The following RUNX1 variants were observed in gnomAD, a reference collection of about 807,000 sequenced individuals.
RUNX1 encodes the protein runt-related transcription factor 1.
A neutral mutation model predicts 42.8 loss-of-function variants in RUNX1; 19 were observed. The observed-to-expected ratio is 0.44, with a 90% CI of 0.31 to 0.65. The LOEUF is 0.65. RUNX1 is among the 30% of genes least tolerant of loss of function. The probability of loss-of-function intolerance (pLI) is 0.07; values close to 1 mark genes in which losing one functional copy is unlikely to be tolerated. For synonymous variants in RUNX1, 271 were observed against 289.4 expected (o/e 0.94, Z 0.64); for missense variants, 528 against 672.0 (o/e 0.79, Z 2.37).
chr21:34,949,351 T>C lies in RUNX1; in HGVS notation c.59-56388A>G, dbSNP rs187181974. On this transcript the variant is annotated intron_variant, in intron 2 of 8. Coordinates refer to ENST00000675419, the MANE Select transcript of RUNX1 (RefSeq NM_001754.5). ...TTCAAAAACAGTAACCTCTGTCTTATTGAATAGACGCTCCCCAGCTGCTGA... is the reference window on the plus strand; with the variant it reads ...TTCAAAAACAGTAACCTCTGTCTTACTGAATAGACGCTCCCCAGCTGCTGA... Among the ~76,000 whole-genome samples the C allele has an allele frequency of 3.2e-4, 49 of 152,360 alleles. 1 individual carries two copies. In the East Asian group the frequency reaches 8.1e-3, roughly 25 times the overall value.
intron 2 of RUNX1, among the ~76,000 whole-genome samples, chr21:34,943,023 G>C (rs1193752891): frequency 6.6e-6 from 1 of 152,184 alleles, no homozygotes; most frequent in African/African-American, 2.4e-5. Flanking sequence ...CTTTTAACCC[G>C]TGTCCCTTCT....
intron 2 of RUNX1, among the ~76,000 whole-genome samples, chr21:35,048,467 G>C (rs2059416609): frequency 6.6e-6 from 1 of 152,154 alleles, no homozygotes; most frequent in African/African-American, 2.4e-5. Context: ...CCGAGTTAAG[G>C]ATAACTCAGA....
chr21:35,030,713 G>C (rs898405416), intron 2 of RUNX1, among the ~76,000 whole-genome samples: 2 of 152,136 alleles, frequency 1.3e-5, no homozygotes, highest in African/African-American at 4.8e-5. Context: ...AAAAGCAACA[G>C]TAGACAACTA....
In RUNX1 at chr21:35,044,190, G is replaced by A. The variant is rs556842590; in HGVS notation, c.58+4652C>T. Among the ~76,000 whole-genome samples, 3 of 152,264 alleles carry A rather than the reference G, an allele frequency of 2.0e-5. No homozygotes were observed. In the East Asian group the frequency reaches 5.8e-4, roughly 29 times the overall value. On this transcript the variant is annotated intron_variant, in intron 2 of 8. Coordinates refer to ENST00000675419, the MANE Select transcript of RUNX1 (RefSeq NM_001754.5). The stretch of plus-strand genomic sequence containing the variant: ...ACCCACTGCTGTCCATGCCCATGTG[G>A]GATCCTGCAGCTCTAACTTTGCCCA...
chr21:34,855,548 T>C (rs778269030), intron 6 of RUNX1, among the ~76,000 whole-genome samples: 4 of 151,992 alleles, frequency 2.6e-5, no homozygotes, highest in Non-Finnish European at 5.9e-5. Context: ...CTACTAAAAA[T>C]ACAAAAATTA....
Position 35,013,675 on chromosome 21 carries a change from C to T in RUNX1, c.58+35167G>A, listed in dbSNP as rs572992629. ...GCCTTTCCAGAAAGGGCAATGTGTC[C>T]GTACCAAAACTCTTAAAAATCCTTG... On this transcript the variant is annotated intron_variant, in intron 2 of 8. Transcript: ENST00000675419. 9.2e-5 allele frequency among the ~76,000 whole-genome samples: 14 copies of T among 152,244 alleles called. No individual in the cohort carries two copies. The South Asian group carries it at 2.1e-3, about 23-fold the overall frequency.
chr21:34,862,753 C>T (rs1455266442), intron 5 of RUNX1, among the ~76,000 whole-genome samples: 1 of 152,148 alleles, frequency 6.6e-6, no homozygotes, highest in East Asian at 1.9e-4. Context: ...CTGTAAAGAC[C>T]TTAAGCCATA....
intron 2 of RUNX1, among the ~76,000 whole-genome samples, chr21:34,941,683 T>G (rs530346087): frequency 9.8e-4 from 149 of 152,350 alleles, no homozygotes; most frequent in Non-Finnish European, 1.6e-3. Flanking sequence ...TTCACCTCCA[T>G]TCTTTTTGAA....
chr21:34,861,829 T>C (rs1045935868), intron 5 of RUNX1, among the ~76,000 whole-genome samples: 2 of 152,150 alleles, frequency 1.3e-5, no homozygotes, highest in African/African-American at 4.8e-5. Context: ...CATTTTGCTT[T>C]ATGGCTGTTT....
chr21:34,860,380 C>T (rs139434521), intron 5 of RUNX1, among the ~76,000 whole-genome samples: 2 of 152,292 alleles, frequency 1.3e-5, no homozygotes, highest in Non-Finnish European at 2.9e-5. Context: ...TCACTAGACA[C>T]CTCTATGTTC....
chr21:35,049,077 G>A, intron 1 of RUNX1, 91 bp downstream of exon 1: 3 of 595,772 alleles, frequency 5.0e-6, no homozygotes, highest in South Asian at 3.6e-5. Flanking sequence ...ATTAAAAAAT[G>A]CACCTTTGTA....
chr21:34,826,442 T>C (rs557102945), intron 7 of RUNX1, among the ~76,000 whole-genome samples: 21 of 142,532 alleles, frequency 1.5e-4, no homozygotes, highest in African/African-American at 5.3e-4. Context: ...TTCTTTTTTT[T>C]TTTTTTTTTT....
chr21:34,965,103 G>A (rs1386426044), intron 2 of RUNX1, among the ~76,000 whole-genome samples: 4 of 151,382 alleles, frequency 2.6e-5, no homozygotes, highest in East Asian at 3.9e-4. Context: ...TCATGCACAC[G>A]CACATACACT....
intron 2 of RUNX1, among the ~76,000 whole-genome samples, chr21:34,912,369 T>C (rs771640531): frequency 1.3e-5 from 2 of 152,008 alleles, no homozygotes; most frequent in Non-Finnish European, 2.9e-5. Flanking sequence ...TGTTTTGCGA[T>C]ACTCTTGGGT....
chr21:34,923,608 C>A (rs1254240666), intron 2 of RUNX1, among the ~76,000 whole-genome samples: 1 of 152,214 alleles, frequency 6.6e-6, no homozygotes, highest in African/African-American at 2.4e-5. Flanking sequence ...TCAAGGTGCA[C>A]AAAGGCCAAC....
At chr21:34,973,483 A>G (rs952262271) in intron 2 of RUNX1, among the ~76,000 whole-genome samples, 9 of 152,238 alleles carry the variant, frequency 5.9e-5, no homozygotes, top group African/African-American at 2.2e-4. Flanking sequence ...TACATATATA[A>G]GTGATTTTTA....
intron 2 of RUNX1, among the ~76,000 whole-genome samples, chr21:35,001,261 T>C (rs2059039887): frequency 6.7e-6 from 1 of 149,396 alleles, no homozygotes. Flanking sequence ...ATTTCAAATG[T>C]ACAATTCAAT....
intron 3 of RUNX1, chr21:34,889,858 C>T (rs909891537): frequency 4.6e-6 from 5 of 1,087,202 alleles, no homozygotes; most frequent in Non-Finnish European, 5.6e-6. Context: ...TCCACGCCCT[C>T]CCTGCCGGGC....
intron 5 of RUNX1, among the ~76,000 whole-genome samples, chr21:34,874,167 C>CAT (rs2057780192): frequency 6.6e-6 from 1 of 152,104 alleles, no homozygotes; most frequent in South Asian, 2.1e-4. Flanking sequence ...CACGCACACA[C>CAT]ACACGCACAC....
Sources: allele counts gnomAD v4.1 joint callset (sites outside exome capture counted in the v4.1 genomes callset), GRCh38; gene constraint gnomAD v4.1.1; transcripts MANE v1.5; gene names NCBI Gene and HGNC (gene_info 2026-07-23, HGNC 2026-07-21).